C8A: variants seen among roughly 807,000 people sequenced by gnomAD.
C8A encodes complement component C8 alpha chain.
Under a neutral mutation model 65.3 loss-of-function variants are expected in C8A, and 67 were observed. The observed-to-expected ratio is 1.03, with a 90% CI of 0.84 to 1.26. The LOEUF is 1.26. Ranked by LOEUF, C8A falls within the 50% of genes most tolerant of loss-of-function variation. C8A has a pLI of 0.00. For missense variants in C8A, 781 were observed against 723.9 expected, an observed-to-expected ratio of 1.08 and a Z score of -0.90; for synonymous variants, 290 against 259.4, an observed-to-expected ratio of 1.12 and a Z score of -1.13.
chr1:56,892,225 C>T (rs1041363391), intron 7 of C8A, among the ~76,000 whole-genome samples: 9 of 152,072 alleles, frequency 5.9e-5, no homozygotes, highest in African/African-American at 1.9e-4. Context: ...AGCGTTTCTT[C>T]CTGAATTCTT....
At chr1:56,870,428 G>A (rs530138820) in intron 2 of C8A, among the ~76,000 whole-genome samples, 7 of 152,152 alleles carry the variant, frequency 4.6e-5, no homozygotes, top group Admixed American at 6.5e-5. Context: ...CCCTGGTCAC[G>A]TTGCTGCCTC....
intron 2 of C8A, 148 bp from the exon 3 acceptor site, chr1:56,874,801 C>T: frequency 1.2e-6 from 1 of 834,492 alleles, no homozygotes. Context: ...ACTGTTTATG[C>T]ATATTCATCC....
chr1:56,892,471 T>C (rs533209196), intron 7 of C8A, among the ~76,000 whole-genome samples: 1 of 152,180 alleles, frequency 6.6e-6, no homozygotes, highest in Non-Finnish European at 1.5e-5. Flanking sequence ...GGTTCTTTCT[T>C]TTTCATTTCA....
chr1:56,916,077 G>A (rs578204571), intron 10 of C8A, among the ~76,000 whole-genome samples: 7 of 152,192 alleles, frequency 4.6e-5, no homozygotes, highest in Non-Finnish European at 7.3e-5. Flanking sequence ...CTACCCAGAC[G>A]TGCCTCTCCA....
intron 2 of C8A, among the ~76,000 whole-genome samples, chr1:56,873,393 C>T (rs1233402204): frequency 6.6e-6 from 1 of 152,150 alleles, no homozygotes; most frequent in African/African-American, 2.4e-5. Flanking sequence ...CACTGGAAGA[C>T]AGAAGCTCAG....
chr1:56,861,236 T>C (rs1462207350), intron 1 of C8A, among the ~76,000 whole-genome samples: 1 of 152,216 alleles, frequency 6.6e-6, no homozygotes, highest in East Asian at 1.9e-4. Flanking sequence ...ATGAAGCTTC[T>C]ATTCTAGAAA....
At chr1:56,886,926 G>C (rs1048051425) in intron 7 of C8A, among the ~76,000 whole-genome samples, 3 of 152,158 alleles carry the variant, frequency 2.0e-5, no homozygotes, top group Non-Finnish European at 4.4e-5. Context: ...TGCTGGCAAT[G>C]TAAATTCTCA....
In C8A at chr1:56,912,522, G is replaced by A. The variant is rs1464054241; in HGVS notation, c.1500G>A (p.Gly500=). 8.7e-6 allele frequency: 14 copies of A among 1,614,210 alleles called. No homozygotes were observed. The highest frequency in any genetic ancestry group is 1.7e-5 in the Admixed American group (1 of 60,030). Residue 500 remains glycine (G), a synonymous_variant, in exon 10 of 11, where the codon GGG becomes GGA. Transcript: ENST00000361249. ...TGGAATTCAATGCCTGCCGATGTGG[G>A]CCTTGCTTCAACAATGGGGTGCCCA... ...YLMEFNACRC[G]PCFNNGVPIL...
At chr1:56,857,398 G>A (rs915849792) in intron 1 of C8A, among the ~76,000 whole-genome samples, 4 of 151,482 alleles carry the variant, frequency 2.6e-5, no homozygotes, top group African/African-American at 9.7e-5. Flanking sequence ...ATTATCCCTG[G>A]CAATGGTCCT....
chr1:56,857,667 C>T (rs924503843), intron 1 of C8A, among the ~76,000 whole-genome samples: 13 of 151,918 alleles, frequency 8.6e-5, no homozygotes, highest in African/African-American at 3.1e-4. Context: ...CACCATTTTA[C>T]AATTTGTTTT....
intron 9 of C8A, among the ~76,000 whole-genome samples, chr1:56,909,433 A>G (rs571050982): frequency 1.3e-5 from 2 of 152,372 alleles, no homozygotes; most frequent in South Asian, 2.1e-4. Context: ...TTCTTCTTCA[A>G]TAAGTAAGAG....
At chr1:56,898,822 C>T (rs1644404510) in intron 7 of C8A, among the ~76,000 whole-genome samples, 1 of 152,094 alleles carries the variant, frequency 6.6e-6, no homozygotes, top group Non-Finnish European at 1.5e-5. Flanking sequence ...TGCTGGGCAG[C>T]CTCCAGAGCT....
intron 7 of C8A, 114 bp from the exon 8 acceptor site, chr1:56,906,553 A>G: frequency 8.3e-7 from 1 of 1,210,398 alleles, no homozygotes; most frequent in South Asian, 1.2e-5. Flanking sequence ...CTTTCAACCC[A>G]GGCCTTTTGG....
At chr1:56,891,455 T>G (rs990006825) in intron 7 of C8A, among the ~76,000 whole-genome samples, 1 of 152,136 alleles carries the variant, frequency 6.6e-6, no homozygotes, top group Admixed American at 6.6e-5. Context: ...AGGGCAGTGC[T>G]TGGTCTAATC....
intron 7 of C8A, among the ~76,000 whole-genome samples, chr1:56,904,702 T>C (rs909853667): frequency 1.3e-5 from 2 of 152,160 alleles, no homozygotes; most frequent in African/African-American, 4.8e-5. Context: ...CAGCTATAAA[T>C]GAAAAGTATG....
intron 8 of C8A, among the ~76,000 whole-genome samples, chr1:56,907,745 A>G (rs1644477067): frequency 6.6e-6 from 1 of 152,218 alleles, no homozygotes; most frequent in African/African-American, 2.4e-5. Context: ...CTGTCCTCTC[A>G]GTATTTCTCC....
At chr1:56,906,462 C>T (rs1318383087) in intron 7 of C8A, among the ~76,000 whole-genome samples, 1 of 152,042 alleles carries the variant, frequency 6.6e-6, no homozygotes, top group Admixed American at 6.5e-5. Context: ...GTATGTGCAA[C>T]ACATATCTCT....
At chr1:56,902,778 G>A (rs2101288215) in intron 7 of C8A, among the ~76,000 whole-genome samples, 1 of 152,182 alleles carries the variant, frequency 6.6e-6, no homozygotes, top group African/African-American at 2.4e-5. Context: ...TCATATAGCA[G>A]TATATCCTCA....
Position 56,891,804 on chromosome 1 carries a change from C to T in C8A, c.1096+5637C>T, listed in dbSNP as rs7528844. 4.6e-5 allele frequency among the ~76,000 whole-genome samples: 7 copies of T among 151,908 alleles called. No individual in the cohort carries two copies. The South Asian group carries it at 6.3e-4, about 14-fold the overall frequency. On this transcript the variant is annotated intron_variant, in intron 7 of 10. Coordinates refer to ENST00000361249, the MANE Select transcript of C8A (RefSeq NM_000562.3). The stretch of plus-strand genomic sequence containing the variant: ...TGCCAGCTTCATGGTAAAGACATCC[C>T]GCAGGCATTTGGAAATATGGTAGGG...
Sources: gnomAD v4.1 joint callset for allele counts (sites outside exome capture counted in the v4.1 genomes callset) on GRCh38, gnomAD v4.1.1 for gene constraint, MANE v1.5 for transcripts, NCBI Gene and HGNC (gene_info 2026-07-23, HGNC 2026-07-21) for gene names.